The following SEL1L2 variants were observed in gnomAD, a reference collection of about 807,000 sequenced individuals.
SEL1L2 encodes protein sel-1 homolog 2.
SEL1L2 carries 89 observed loss-of-function variants against 98.8 expected under a neutral mutation model. The observed-to-expected ratio is 0.90, with a 90% CI of 0.76 to 1.07. SEL1L2 has a LOEUF of 1.07. SEL1L2 is among the 50% of genes least tolerant of loss of function. The pLI is 0.00. For synonymous variants in SEL1L2, 262 were observed against 278.5 expected (o/e 0.94, Z 0.59); for missense variants, 788 against 812.0 (o/e 0.97, Z 0.36).
chr20:13,952,679 A>G (rs1320301811), intron 2 of SEL1L2, among the ~76,000 whole-genome samples: 3 of 152,180 alleles, frequency 2.0e-5, no homozygotes, highest in Non-Finnish European at 4.4e-5. Context: ...GTAGCCATTC[A>G]TCTTCAATCT....
intron 8 of SEL1L2, among the ~76,000 whole-genome samples, chr20:13,886,771 C>T (rs537468455): frequency 6.6e-6 from 1 of 151,912 alleles, no homozygotes; most frequent in African/African-American, 2.4e-5. Context: ...ACCTGTAATC[C>T]CAGATACCTG....
intron 1 of SEL1L2, among the ~76,000 whole-genome samples, chr20:13,984,302 G>A (rs6074672): frequency 0.36 from 54,416 of 152,026 alleles, 10,492 homozygotes; most frequent in South Asian, 0.48. Context: ...GTGAGCCACC[G>A]CACTCAGCCT....
intron 18 of SEL1L2, among the ~76,000 whole-genome samples, chr20:13,856,565 G>C (rs1989200596): frequency 6.6e-6 from 1 of 152,124 alleles, no homozygotes; most frequent in African/African-American, 2.4e-5. Context: ...ATTATTCATT[G>C]TTCCCAGAAC....
At chr20:13,902,373 C>T (rs2047721403) in intron 5 of SEL1L2, among the ~76,000 whole-genome samples, 1 of 152,218 alleles carries the variant, frequency 6.6e-6, no homozygotes. Flanking sequence ...ATACTTGACT[C>T]CCTTGATCAG....
At position 13,957,095 on chromosome 20, in the gene SEL1L2, A is replaced by T. The variant is rs777463810; in HGVS notation, c.59-964T>A. ...CTGACATAGTATTTATTAATTAATT[A>T]ATTTATTTCTACTTTTTTTTTTTTG... On this transcript the variant is annotated intron_variant, in intron 1 of 19. Transcript: ENST00000284951. Among the ~76,000 whole-genome samples, 10 of 151,852 alleles carry T rather than the reference A, an allele frequency of 6.6e-5. 1 individual carries two copies. The highest frequency in any genetic ancestry group is 4.2e-4 in the South Asian group (2 of 4,816).
rs549032436 is a variant in SEL1L2 at position 13,923,279 on chromosome 20, C to T, written c.284-4156G>A. Among the ~76,000 whole-genome samples the T allele has an allele frequency of 6.6e-5, 10 of 152,196 alleles. No homozygotes were observed. In the South Asian group the frequency reaches 1.2e-3, roughly 19 times the overall value. ...TTTCCATTCTAAGTTATTCAAACAACGTTTAGAAGTGTTTATGACACTTTC... is the reference window on the plus strand; with the variant it reads ...TTTCCATTCTAAGTTATTCAAACAATGTTTAGAAGTGTTTATGACACTTTC... On this transcript the variant is annotated intron_variant, in intron 3 of 19. Coordinates refer to ENST00000284951, the MANE Select transcript of SEL1L2 (RefSeq NM_025229.2).
chr20:13,856,080 T>C (rs1342254352), intron 18 of SEL1L2, among the ~76,000 whole-genome samples: 2 of 152,114 alleles, frequency 1.3e-5, no homozygotes, highest in Non-Finnish European at 2.9e-5. Context: ...ACAGGCTTTG[T>C]TCATGGTGCA....
chr20:13,910,351 T>A (rs1383132216), intron 5 of SEL1L2, among the ~76,000 whole-genome samples: 1 of 152,198 alleles, frequency 6.6e-6, no homozygotes, highest in African/African-American at 2.4e-5. Context: ...TGTGAAGTAA[T>A]GTGGGTATTA....
chr20:13,891,328 T>C (rs933633467), intron 5 of SEL1L2, among the ~76,000 whole-genome samples: 3 of 152,046 alleles, frequency 2.0e-5, no homozygotes, highest in Admixed American at 2.0e-4. Flanking sequence ...AGCAGAAACA[T>C]TACAGACCAG....
intron 10 of SEL1L2, among the ~76,000 whole-genome samples, chr20:13,882,038 C>T (rs912426021): frequency 4.6e-5 from 7 of 151,892 alleles, no homozygotes; most frequent in Admixed American, 3.9e-4. Context: ...GTATATATTA[C>T]ATAATGAATA....
intron 2 of SEL1L2, among the ~76,000 whole-genome samples, chr20:13,938,491 C>CA (rs1287704771): frequency 6.6e-6 from 1 of 152,132 alleles, no homozygotes; most frequent in Non-Finnish European, 1.5e-5. Flanking sequence ...GTTTTATTCT[C>CA]AAAACAACAC....
At chr20:13,907,751 CT>C (rs1229291774) in intron 5 of SEL1L2, among the ~76,000 whole-genome samples, 14 of 97,312 alleles carry the variant, frequency 1.4e-4, no homozygotes, top group Admixed American at 3.2e-4. Flanking sequence ...TCTTTCTTTT[CT>C]TTTCTTTTCT....
chr20:13,983,749 G>T (rs908099824), intron 1 of SEL1L2, among the ~76,000 whole-genome samples: 1 of 151,958 alleles, frequency 6.6e-6, no homozygotes, highest in Non-Finnish European at 1.5e-5. Flanking sequence ...TCAAACTCCC[G>T]ACCTCACGTG....
At chr20:13,869,990 G>A (rs1353453411) in intron 13 of SEL1L2, 151 bp downstream of exon 13, 1 of 585,146 alleles carries the variant, frequency 1.7e-6, no homozygotes, top group Non-Finnish European at 3.0e-6. Context: ...CTTTGGCAGA[G>A]ATTTCACTGG....
At chr20:13,906,424 C>T (rs375622846) in intron 5 of SEL1L2, among the ~76,000 whole-genome samples, 15 of 152,134 alleles carry the variant, frequency 9.9e-5, no homozygotes, top group African/African-American at 3.4e-4. Context: ...GCATGAAGCT[C>T]GAAAGCACCT....
At chr20:13,964,047 T>G (rs1427632652) in intron 1 of SEL1L2, among the ~76,000 whole-genome samples, 1 of 151,968 alleles carries the variant, frequency 6.6e-6, no homozygotes, top group African/African-American at 2.4e-5. Context: ...AATTTTTTTT[T>G]GTATTTTTCT....
intron 1 of SEL1L2, among the ~76,000 whole-genome samples, chr20:13,975,288 T>C (rs1259335631): frequency 1.3e-5 from 2 of 152,224 alleles, no homozygotes; most frequent in African/African-American, 2.4e-5. Context: ...GTTTGTTCTA[T>C]ATGAAAGCAA....
At chr20:13,862,780 C>T (rs556030450) in intron 17 of SEL1L2, among the ~76,000 whole-genome samples, 10 of 152,094 alleles carry the variant, frequency 6.6e-5, no homozygotes, top group South Asian at 6.2e-4. Context: ...CTCAATCTCC[C>T]GGGCTCAAGA....
chr20:13,932,407 A>AATT (rs140408055), intron 2 of SEL1L2, among the ~76,000 whole-genome samples: 52 of 144,926 alleles, frequency 3.6e-4, no homozygotes, highest in African/African-American at 9.6e-4. Flanking sequence ...TTCCTTTGTC[A>AATT]ATTATTATTA....
Sources: allele counts gnomAD v4.1 joint callset (sites outside exome capture counted in the v4.1 genomes callset), GRCh38; gene constraint gnomAD v4.1.1; transcripts MANE v1.5; gene names NCBI Gene and HGNC (gene_info 2026-07-23, HGNC 2026-07-21).